Variants in CRAT observed in about 807,000 individuals in gnomAD.
CRAT encodes carnitine O-acetyltransferase.
Under a neutral mutation model 73.7 loss-of-function variants are expected in CRAT, and 66 were observed. The observed-to-expected ratio is 0.90, with a 90% CI of 0.73 to 1.10. The LOEUF (loss-of-function observed/expected upper bound fraction) is 1.10. CRAT is among the 50% of genes least tolerant of loss of function. The pLI, the probability that CRAT is intolerant of heterozygous loss-of-function variation, is 0.00. For missense variants in CRAT, 745 were observed against 846.9 expected (o/e 0.88, Z 1.49); for synonymous variants, 321 against 343.2 (o/e 0.94, Z 0.71).
Position 129,095,142 on chromosome 9 carries a change from G to T in CRAT, c.*255C>A. The stretch of plus-strand genomic sequence containing the variant: ...AGGCACCGGTGGAGGACGTGCCAGG[G>T]GCCCGGGCCTAACGTCCTGCTCAGC... On this transcript the variant is annotated 3_prime_UTR_variant, in exon 14 of 14. Transcript: ENST00000318080. The T allele has an allele frequency of 1.8e-6, 1 of 549,818 alleles. No homozygotes were observed. Among genetic ancestry groups the T allele is most frequent in the Non-Finnish European group, 3.3e-6 (1 of 307,630 alleles). 34.1% of individuals were successfully genotyped at this position (549,818 alleles called of 1,614,324 possible). A position where few individuals can be genotyped will look rare whatever the true frequency, so the allele number is the denominator to read the frequency against.
chr9:129,108,051 G>C lies in CRAT; in HGVS notation c.54C>G (p.Pro18=). Reference sequence around the variant, plus strand: ...GGCTGGAAGCCTTCATCAAGGAGAAGGGCTTCAGGAAGCCCAGAGGCTTCA... The same window carrying C: ...GGCTGGAAGCCTTCATCAAGGAGAACGGCTTCAGGAAGCCCAGAGGCTTCA... ...TVVKPLGFLK[P]FSLMKASSRF... Residue 18 remains proline, a synonymous_variant, in exon 2 of 14, where the codon CCC becomes CCG. Coordinates refer to ENST00000318080, the MANE Select transcript of CRAT (RefSeq NM_000755.5). 1 of 1,531,884 alleles carries C rather than the reference G, an allele frequency of 6.5e-7. No individual in the cohort carries two copies. 94.9% of individuals were successfully genotyped at this position (1,531,884 alleles called of 1,614,324 possible). A position where few individuals can be genotyped will look rare whatever the true frequency, so the allele number is the denominator to read the frequency against.
chr9:129,109,823 C>T lies in CRAT; in HGVS notation c.27+660G>A, dbSNP rs536541829. On this transcript the variant is annotated intron_variant, in intron 1 of 13. Coordinates refer to ENST00000318080, the MANE Select transcript of CRAT (RefSeq NM_000755.5). ...AAGGGACTGAAATTAGGCTAGCATC[C>T]GGGCTGCTCACCGGGGAGGACTGAG... Among the ~76,000 whole-genome samples the T allele has an allele frequency of 2.0e-4, 29 of 148,196 alleles. 1 individual carries two copies. Among genetic ancestry groups the T allele is most frequent in the Middle Eastern group, 3.4e-3 (1 of 290 alleles).
Position 129,103,043 on chromosome 9 carries a change from C to A in CRAT, c.434G>T (p.Gly145Val). The change falls in exon 4 of 14, where the codon GGT becomes GTT. Residue 145 changes from glycine to valine, a missense_variant. Gly to Val is a moderately radical substitution (Grantham distance 109). Transcript: ENST00000318080. This position sits in a 1 kb window ranked among gnomAD's most constrained non-coding sequence, Gnocchi z 4.6. ...AATCATGACCTTGAAATCCAACACACCCTCAATGAGTTTGGCAGCAAATCT... is the reference window on the plus strand; with the variant it reads ...AATCATGACCTTGAAATCCAACACAACCTCAATGAGTTTGGCAGCAAATCT... ...QLRFAAKLIE[G>V]VLDFKVMIDN... 1 of 1,614,126 alleles carries A rather than the reference C, an allele frequency of 6.2e-7. No homozygotes were observed. Among genetic ancestry groups the A allele is most frequent in the Non-Finnish European group, 8.5e-7 (1 of 1,179,986 alleles).
At position 129,103,098 on chromosome 9, in the gene CRAT, G is replaced by T. The variant is rs148454411; in HGVS notation, c.411-32C>A. The T allele has an allele frequency of 8.7e-6, 14 of 1,603,990 alleles. No individual in the cohort carries two copies. The African/African-American group carries it at 1.9e-4, about 21-fold the overall frequency. ...AGATTGATTAGAGATTAGAAGCTGC[G>T]TGGACACCCTGAGGGAGGCCCCGGG... On this transcript the variant is annotated intron_variant, in intron 3 of 13. Transcript: ENST00000318080. The surrounding 1 kb of genome is among the most constrained non-coding windows in gnomAD (Gnocchi z 4.6).
rs1275711658 is a variant in CRAT at position 129,103,050 on chromosome 9, T to C, written c.427A>G (p.Ile143Val). Reference protein sequence around the residue: ...QGQLRFAAKLIEGVLDFKVMI... With the variant: ...QGQLRFAAKLVEGVLDFKVMI... ...ACCTTGAAATCCAACACACCCTCAATGAGTTTGGCAGCAAATCTGGAAAGA... is the reference window on the plus strand; with the variant it reads ...ACCTTGAAATCCAACACACCCTCAACGAGTTTGGCAGCAAATCTGGAAAGA... Residue 143 changes from isoleucine to valine, a missense_variant, in exon 4 of 14, where the codon ATT becomes GTT. By Grantham distance (29) the Ile-to-Val change is conservative. Transcript: ENST00000318080. The surrounding 1 kb of genome is among the most constrained non-coding windows in gnomAD (Gnocchi z 4.6). 2.5e-6 allele frequency: 4 copies of C among 1,614,050 alleles called. No individual in the cohort carries two copies. Among genetic ancestry groups the C allele is most frequent in the Non-Finnish European group, 3.4e-6 (4 of 1,179,936 alleles).
intron 1 of CRAT, 134 bp from the exon 2 acceptor site, chr9:129,108,211 C>T (rs1848143003): frequency 2.4e-6 from 3 of 1,229,964 alleles, no homozygotes; most frequent in Admixed American, 3.1e-5. Flanking sequence ...CTGGCCCTGG[C>T]CTCCCAGCCC....
chr9:129,096,436 T>C (rs1365760364), intron 12 of CRAT, among the ~76,000 whole-genome samples: 2 of 152,216 alleles, frequency 1.3e-5, no homozygotes, highest in South Asian at 4.1e-4. Context: ...TCTGGAACTG[T>C]AGTGTCTTCA....
chr9:129,107,380 C>T lies in CRAT; in HGVS notation c.291+434G>A. 1.8e-6 allele frequency: 1 copy of T among 544,144 alleles called. No individual in the cohort carries two copies. The highest frequency in any genetic ancestry group is 2.4e-5 in the South Asian group (1 of 40,888). 33.7% of individuals were successfully genotyped at this position (544,144 alleles called of 1,614,324 possible). ...GAAGTATGAGATGCAAATAGAAAAG[C>T]ACACCAAACATTGGTGTAGACATAT... On this transcript the variant is annotated intron_variant, in intron 2 of 13. Coordinates refer to ENST00000318080, the MANE Select transcript of CRAT (RefSeq NM_000755.5). The surrounding 1 kb of genome is among the most constrained non-coding windows in gnomAD (Gnocchi z 5.0).
In CRAT at chr9:129,107,781, G is replaced by C. The variant is rs1438443842; in HGVS notation, c.291+33C>G. 1.9e-6 allele frequency: 3 copies of C among 1,612,970 alleles called. No homozygotes were observed. The highest frequency in any genetic ancestry group is 1.7e-5 in the Admixed American group (1 of 60,012). On this transcript the variant is annotated intron_variant, in intron 2 of 13. Transcript: ENST00000318080. The surrounding 1 kb of genome is among the most constrained non-coding windows in gnomAD (Gnocchi z 5.0). ...CTGGAGAACTGTGCATGTGCAGCCA[G>C]CAGCAGGTCACAGTGAGGATGCCCT...
rs1259093796 is a variant in CRAT at position 129,095,309 on chromosome 9, A to G, written c.*88T>C. On this transcript the variant is annotated 3_prime_UTR_variant, in exon 14 of 14. Transcript: ENST00000318080. ...GGGACCAGGGAAGAGGGAACCAAGG[A>G]AGAGGGAACCAAGGAGCTGAGCCCT... 4 of 1,389,818 alleles carry G rather than the reference A, an allele frequency of 2.9e-6. No individual in the cohort carries two copies. The highest frequency in any genetic ancestry group is 4.0e-6 in the Non-Finnish European group (4 of 1,002,256). The allele number at this position is 1,389,818 out of a possible 1,614,324, so 86.1% of individuals were successfully genotyped here.
intron 11 of CRAT, chr9:129,097,707 T>TAAAA: frequency 3.2e-6 from 1 of 316,350 alleles, no homozygotes; most frequent in Non-Finnish European, 5.9e-6. Context: ...AGACTCTTTC[T>TAAAA]AAAAAAAAAC....
In CRAT at chr9:129,109,323, A is replaced by G. The variant is rs543651945; in HGVS notation, c.27+1160T>C. 61 of 1,278,978 alleles carry G rather than the reference A, an allele frequency of 4.8e-5. 1 individual carries two copies. The South Asian group carries it at 7.3e-4, about 15-fold the overall frequency. 79.2% of individuals were successfully genotyped at this position (1,278,978 alleles called of 1,614,324 possible). ...AGGGAGCAGACACCAGGAAAAGGCC[A>G]TCAGTGGATGGGACAGCCAGAAGCC... On this transcript the variant is annotated intron_variant, in intron 1 of 13. Coordinates refer to ENST00000318080, the MANE Select transcript of CRAT (RefSeq NM_000755.5).
Position 129,103,126 on chromosome 9 carries a change from AG to A in CRAT, c.411-61del, listed in dbSNP as rs1288248451. The A allele has an allele frequency of 7.0e-7, 1 of 1,418,734 alleles. No individual in the cohort carries two copies. Among genetic ancestry groups the A allele is most frequent in the East Asian group, 2.3e-5 (1 of 43,714 alleles). The allele number at this position is 1,418,734 out of a possible 1,614,324, so 87.9% of individuals were successfully genotyped here. A position where few individuals can be genotyped will look rare whatever the true frequency, so the allele number is the denominator to read the frequency against. On this transcript the variant is annotated intron_variant, in intron 3 of 13. Transcript: ENST00000318080. The surrounding 1 kb of genome is among the most constrained non-coding windows in gnomAD (Gnocchi z 4.6). Reference sequence around the variant, plus strand: ...GACACCCTGAGGGAGGCCCCGGGCTAGGGACACCTGCTTGGGGAGCGGGAGG... The same window carrying A: ...GACACCCTGAGGGAGGCCCCGGGCTAGGACACCTGCTTGGGGAGCGGGAGG...
At chr9:129,096,844 G>A (rs1203336524) in intron 12 of CRAT, among the ~76,000 whole-genome samples, 1 of 152,124 alleles carries the variant, frequency 6.6e-6, no homozygotes, top group Non-Finnish European at 1.5e-5. Context: ...TGAGGTGGGT[G>A]GATCACCTGA....
chr9:129,101,317 T>G (rs981383982), intron 6 of CRAT, among the ~76,000 whole-genome samples: 9 of 152,106 alleles, frequency 5.9e-5, no homozygotes, highest in Non-Finnish European at 1.2e-4. Flanking sequence ...CTGTATAAAC[T>G]GGCCATAAAA....
At chr9:129,100,007 T>C (rs1847562140) in intron 7 of CRAT, 41 bp from the exon 8 acceptor site, 1 of 1,556,582 alleles carries the variant, frequency 6.4e-7, no homozygotes, top group Non-Finnish European at 8.8e-7. Flanking sequence ...CCCAGGGCCC[T>C]GGGGGGTGGC....
At position 129,099,593 on chromosome 9, in the gene CRAT, A is replaced by AT. The variant is rs67170109; in HGVS notation, c.1085+272dup. On this transcript the variant is annotated intron_variant, in intron 8 of 13. Transcript: ENST00000318080. ...AGGCATGTGATACCACACCTGGGTA[A>AT]TTTTTTTTTTTTTTGTATTTTTAGT... Among the ~76,000 whole-genome samples the AT allele has an allele frequency of 8.4e-3, 1,213 of 145,028 alleles. 8 individuals are homozygous for AT. The highest frequency in any genetic ancestry group is 0.012 in the Non-Finnish European group (806 of 65,912).
chr9:129,099,788 C>G, intron 8 of CRAT, 78 bp downstream of exon 8: 1 of 1,141,838 alleles, frequency 8.8e-7, no homozygotes, highest in Non-Finnish European at 1.3e-6. Flanking sequence ...TGATATTTCT[C>G]TATAAGCTGG....
At chr9:129,108,420 G>A (rs1848155284) in intron 1 of CRAT, 2 of 1,171,662 alleles carry the variant, frequency 1.7e-6, no homozygotes, top group Admixed American at 8.8e-5. Flanking sequence ...TGGAAGAGGA[G>A]CCAGCCAGCA....
Sources: gnomAD v4.1 joint callset for allele counts (sites outside exome capture counted in the v4.1 genomes callset) on GRCh38, gnomAD v4.1.1 for gene constraint, Gnocchi (gnomAD v3.1) non-coding constraint, MANE v1.5 for transcripts, NCBI Gene and HGNC (gene_info 2026-07-23, HGNC 2026-07-21) for gene names.